PLCL1: variants seen among roughly 807,000 people sequenced by gnomAD.
The protein encoded by PLCL1 is inactive phospholipase C-like protein 1.
Under a neutral mutation model 84.4 loss-of-function variants are expected in PLCL1, and 41 were observed. The ratio of observed to expected loss-of-function variants is 0.49; its 90% CI spans 0.38 to 0.63. PLCL1 has a LOEUF of 0.63. PLCL1 is among the 30% of genes least tolerant of loss of function. The probability of loss-of-function intolerance (pLI) is 0.00; values close to 1 mark genes in which losing one functional copy is unlikely to be tolerated. For missense variants in PLCL1, 1,206 were observed against 1,367.8 expected, an observed-to-expected ratio of 0.88 and a Z score of 1.87; for synonymous variants, 490 against 488.3, an observed-to-expected ratio of 1.00 and a Z score of -0.05.
chr2:198,100,274 A>G (rs1693299203), intron 3 of PLCL1, among the ~76,000 whole-genome samples: 1 of 152,114 alleles, frequency 6.6e-6, no homozygotes, highest in South Asian at 2.1e-4. Flanking sequence ...ACAAGATGGA[A>G]ATAATATAGG....
At chr2:197,901,717 G>C (rs892506311) in intron 1 of PLCL1, among the ~76,000 whole-genome samples, 1 of 152,172 alleles carries the variant, frequency 6.6e-6, no homozygotes, top group Non-Finnish European at 1.5e-5. Flanking sequence ...AAAGCTTCAA[G>C]CTCATTAGAT....
chr2:197,834,952 T>C (rs1013439493), intron 1 of PLCL1, among the ~76,000 whole-genome samples: 2 of 152,208 alleles, frequency 1.3e-5, no homozygotes, highest in Non-Finnish European at 2.9e-5. Context: ...ATGTATACCA[T>C]GGAATACTAT....
At chr2:198,101,190 T>C in intron 3 of PLCL1, 95 bp from the exon 4 acceptor site, 2 of 745,658 alleles carry the variant, frequency 2.7e-6, no homozygotes, top group Non-Finnish European at 4.8e-6. Context: ...TTACTTTTAC[T>C]GGAGGTATCA....
intron 1 of PLCL1, among the ~76,000 whole-genome samples, chr2:198,056,583 C>T (rs1051278709): frequency 3.9e-5 from 6 of 152,302 alleles, no homozygotes; most frequent in Admixed American, 6.5e-5. Flanking sequence ...GAAACCACCA[C>T]GAAGACCTGT....
chr2:198,070,590 A>G (rs910595203), intron 1 of PLCL1, among the ~76,000 whole-genome samples: 14 of 152,018 alleles, frequency 9.2e-5, no homozygotes, highest in African/African-American at 3.1e-4. Flanking sequence ...TTTAAGGGCT[A>G]TTTTTACATA....
At chr2:198,052,806 C>G (rs529757910) in intron 1 of PLCL1, among the ~76,000 whole-genome samples, 147 of 152,232 alleles carry the variant, frequency 9.7e-4, no homozygotes, top group African/African-American at 3.4e-3. Context: ...AAGGGACTGA[C>G]TAGGTTAAGT....
intron 5 of PLCL1, among the ~76,000 whole-genome samples, chr2:198,134,933 T>C (rs1234579693): frequency 6.6e-6 from 1 of 152,216 alleles, no homozygotes; most frequent in African/African-American, 2.4e-5. Context: ...AGAATTACTT[T>C]TTGGACGGAT....
intron 1 of PLCL1, among the ~76,000 whole-genome samples, chr2:197,918,969 C>CTCTCTCTCTCTCT (rs1369678298): frequency 8.7e-4 from 128 of 146,964 alleles, no homozygotes; most frequent in African/African-American, 2.3e-3. Context: ...TCTCTCTCTC[C>CTCTCTCTCTCTCT]CTCACACACA....
At chr2:197,933,833 T>TAA (rs1688996712) in intron 1 of PLCL1, among the ~76,000 whole-genome samples, 1 of 152,172 alleles carries the variant, frequency 6.6e-6, no homozygotes, top group African/African-American at 2.4e-5. Flanking sequence ...TATATATATA[T>TAA]AATGGCCTCT....
intron 1 of PLCL1, among the ~76,000 whole-genome samples, chr2:197,978,922 C>T (rs1192413866): frequency 2.6e-5 from 4 of 152,220 alleles, no homozygotes; most frequent in Non-Finnish European, 5.9e-5. Flanking sequence ...CAACTCCACA[C>T]AGACAATGGC....
intron 1 of PLCL1, among the ~76,000 whole-genome samples, chr2:197,940,460 T>G (rs963704856): frequency 6.6e-6 from 1 of 152,242 alleles, no homozygotes; most frequent in Non-Finnish European, 1.5e-5. Flanking sequence ...CCAGATGATA[T>G]CAAAATCTGA....
chr2:197,966,535 C>T (rs549548096), intron 1 of PLCL1, among the ~76,000 whole-genome samples: 145 of 152,210 alleles, frequency 9.5e-4, no homozygotes, highest in African/African-American at 3.3e-3. Flanking sequence ...GACTGAGTTT[C>T]AGTGTAAAGT....
chr2:197,855,397 C>T (rs1182629617), intron 1 of PLCL1, among the ~76,000 whole-genome samples: 2 of 152,156 alleles, frequency 1.3e-5, no homozygotes, highest in African/African-American at 4.8e-5. Flanking sequence ...GTGACTTAAT[C>T]TGGTCATTCA....
In PLCL1 at chr2:198,148,497, C is replaced by T. The variant is rs562239047; in HGVS notation, c.*1535C>T. The T allele has an allele frequency of 1.1e-4, 17 of 152,304 alleles. No homozygotes were observed. The highest frequency in any genetic ancestry group is 4.1e-4 in the African/African-American group (17 of 41,512). The allele number at this position is 152,304 out of a possible 1,614,324, so 9.4% of individuals were successfully genotyped here. On this transcript the variant is annotated 3_prime_UTR_variant, in exon 6 of 6. Coordinates refer to ENST00000428675, the MANE Select transcript of PLCL1 (RefSeq NM_006226.4). ...AATATCTTAAAGAGTTTGCTATTTC[C>T]ATGGACCAGATATGATGAAATTATT...
intron 5 of PLCL1, among the ~76,000 whole-genome samples, chr2:198,131,040 C>G (rs556911730): frequency 2.0e-5 from 3 of 152,240 alleles, no homozygotes; most frequent in Admixed American, 6.5e-5. Flanking sequence ...CCTCCAGCTT[C>G]GTCTCTCATT....
At chr2:197,963,415 C>G (rs552300333) in intron 1 of PLCL1, among the ~76,000 whole-genome samples, 78 of 152,052 alleles carry the variant, frequency 5.1e-4, no homozygotes, top group African/African-American at 1.8e-3. Context: ...GATCTTTTGC[C>G]CATTTAAAAG....
At chr2:198,137,207 G>A (rs947966100) in intron 5 of PLCL1, among the ~76,000 whole-genome samples, 10 of 152,090 alleles carry the variant, frequency 6.6e-5, no homozygotes, top group East Asian at 3.9e-4. Context: ...CTGGGAAGCC[G>A]GCATTATTCA....
At chr2:198,093,054 T>C (rs926608860) in intron 3 of PLCL1, among the ~76,000 whole-genome samples, 1 of 152,198 alleles carries the variant, frequency 6.6e-6, no homozygotes, top group Non-Finnish European at 1.5e-5. Flanking sequence ...TTCCCTATCT[T>C]ATATTTGGCT....
At chr2:197,928,304 A>T (rs1481447037) in intron 1 of PLCL1, among the ~76,000 whole-genome samples, 1 of 152,170 alleles carries the variant, frequency 6.6e-6, no homozygotes, top group Admixed American at 6.6e-5. Context: ...CTCTGTACTC[A>T]GTGGCATTAA....
Sources: allele counts gnomAD v4.1 joint callset (sites outside exome capture counted in the v4.1 genomes callset), GRCh38; gene constraint gnomAD v4.1.1; transcripts MANE v1.5; gene names NCBI Gene and HGNC (gene_info 2026-07-23, HGNC 2026-07-21).